Variants in SH3PXD2B observed in about 807,000 individuals in gnomAD.
SH3PXD2B encodes SH3 and PX domains 2B.
Under a neutral mutation model 73.1 loss-of-function variants are expected in SH3PXD2B, and 37 were observed. The observed-to-expected ratio is 0.51, with a 90% CI of 0.39 to 0.67. The LOEUF (loss-of-function observed/expected upper bound fraction) is 0.67, where lower values mean the gene tolerates loss of function less well. Among genes scored for constraint, SH3PXD2B ranks in the 30% least tolerant of loss-of-function variants. The pLI, the probability that SH3PXD2B is intolerant of heterozygous loss-of-function variation, is 0.00. For missense variants in SH3PXD2B, 1,053 were observed against 1,197.8 expected, an observed-to-expected ratio of 0.88 and a Z score of 1.78; for synonymous variants, 457 against 480.5, an observed-to-expected ratio of 0.95 and a Z score of 0.64.
intron 5 of SH3PXD2B, among the ~76,000 whole-genome samples, chr5:172,379,239 TA>T (rs1220883824): frequency 6.9e-6 from 1 of 144,934 alleles, no homozygotes; most frequent in Non-Finnish European, 1.5e-5. Context: ...GACACAAAGG[TA>T]AGAGGATCGC....
At chr5:172,438,176 C>T (rs1759437545) in intron 1 of SH3PXD2B, among the ~76,000 whole-genome samples, 1 of 152,282 alleles carries the variant, frequency 6.6e-6, no homozygotes, top group South Asian at 2.1e-4. Context: ...CCTCTCCCTG[C>T]CCTGCTCAGC....
intron 8 of SH3PXD2B, among the ~76,000 whole-genome samples, chr5:172,356,299 C>T (rs1374734514): frequency 6.6e-6 from 1 of 152,158 alleles, no homozygotes; most frequent in African/African-American, 2.4e-5. Flanking sequence ...TTCAAACCCC[C>T]AGATCCAGCT....
At chr5:172,363,183 CATCCATCCATCCATCCTCCATT>C in intron 6 of SH3PXD2B, among the ~76,000 whole-genome samples, 1 of 151,844 alleles carries the variant, frequency 6.6e-6, no homozygotes, top group South Asian at 2.1e-4. Flanking sequence ...TCTGTCCATC[CATCCATCCATCCATCCTCCATT>C]ATCCATCCAT....
At chr5:172,386,224 G>T (rs1325319377) in intron 4 of SH3PXD2B, among the ~76,000 whole-genome samples, 1 of 152,190 alleles carries the variant, frequency 6.6e-6, no homozygotes, top group Non-Finnish European at 1.5e-5. Context: ...GGAGGGCTGT[G>T]CTATAGAATA....
rs1759641430 is a variant in SH3PXD2B at position 172,445,474 on chromosome 5, T to C, written c.75+8804A>G. Among the ~76,000 whole-genome samples the C allele has an allele frequency of 6.6e-6, 1 of 152,140 alleles. No homozygotes were observed. Among genetic ancestry groups the C allele is most frequent in the Admixed American group, 6.5e-5 (1 of 15,274 alleles). ...ATCTTCTCGCCTCAGCCTCCCAAGA[T>C]GCTGGGATTACAGGCGTGAACTCCC... On this transcript the variant is annotated intron_variant, in intron 1 of 12. Transcript: ENST00000311601. The surrounding 1 kb of genome is among the most constrained non-coding windows in gnomAD (Gnocchi z 5.2).
At position 172,334,489 on chromosome 5, in the gene SH3PXD2B, C is replaced by T. The variant is rs1442372110; in HGVS notation, c.*3880G>A. ...GATGTCTGCAGTCTACACAACAGCC[C>T]TGCAGAACGGGCCTGGACAACCCTT... On this transcript the variant is annotated 3_prime_UTR_variant, in exon 13 of 13. Transcript: ENST00000311601. The T allele has an allele frequency of 4.1e-6, 4 of 985,696 alleles. No individual in the cohort carries two copies. The South Asian group carries it at 1.4e-4, about 35-fold the overall frequency. 61.1% of individuals were successfully genotyped at this position (985,696 alleles called of 1,614,324 possible).
chr5:172,352,713 G>A (rs1426273870), intron 9 of SH3PXD2B, among the ~76,000 whole-genome samples: 11 of 152,068 alleles, frequency 7.2e-5, no homozygotes, highest in Admixed American at 7.2e-4. Context: ...ATTTATCAGG[G>A]GTTTCCACTT....
At position 172,405,823 on chromosome 5, in the gene SH3PXD2B, G is replaced by C. The variant is rs1259779787; in HGVS notation, c.232+454C>G. On this transcript the variant is annotated intron_variant, in intron 3 of 12. Transcript: ENST00000311601. ...GTAAGAATAGAAAACGAATACCATA[G>C]TTATAGAAACAGAAAGCACTCACTA... Among the ~76,000 whole-genome samples, 6 of 152,300 alleles carry C rather than the reference G, an allele frequency of 3.9e-5. No homozygotes were observed. The South Asian group carries it at 1.0e-3, about 26-fold the overall frequency.
At chr5:172,426,562 TG>T (rs1376831091) in intron 1 of SH3PXD2B, among the ~76,000 whole-genome samples, 1 of 152,202 alleles carries the variant, frequency 6.6e-6, no homozygotes, top group Non-Finnish European at 1.5e-5. Flanking sequence ...AACAGAATCC[TG>T]ACTTCCCACG....
intron 12 of SH3PXD2B, among the ~76,000 whole-genome samples, chr5:172,342,318 T>G (rs912763800): frequency 3.3e-5 from 5 of 152,058 alleles, no homozygotes; most frequent in Non-Finnish European, 7.4e-5. Flanking sequence ...ACCCTGTGAG[T>G]GGGGAACTGT....
intron 2 of SH3PXD2B, among the ~76,000 whole-genome samples, chr5:172,419,002 T>TGAC (rs1350707618): frequency 2.6e-5 from 4 of 152,192 alleles, no homozygotes; most frequent in African/African-American, 9.7e-5. Flanking sequence ...GAGGGACGGC[T>TGAC]GACAGCTAAC....
chr5:172,430,371 C>A (rs2113480513), intron 1 of SH3PXD2B, among the ~76,000 whole-genome samples: 1 of 152,328 alleles, frequency 6.6e-6, no homozygotes, highest in Non-Finnish European at 1.5e-5. Flanking sequence ...AGGGGGATGG[C>A]CCCCATAGTC....
intron 1 of SH3PXD2B, among the ~76,000 whole-genome samples, chr5:172,441,559 C>T (rs999428182): frequency 2.0e-5 from 3 of 152,178 alleles, no homozygotes; most frequent in African/African-American, 4.8e-5. Flanking sequence ...ACACCCTAGA[C>T]GATGATGAAC....
chr5:172,327,876 G>T (rs2879467), intron 12 of SH3PXD2B, among the ~76,000 whole-genome samples: 94,441 of 150,788 alleles, frequency 0.63, 29,758 homozygotes, highest in South Asian at 0.84. Context: ...TGCCTCAGCC[G>T]CCCGAGTAGC....
chr5:172,334,678 A>G lies in SH3PXD2B; in HGVS notation c.*3691T>C. ...ACGAATGTTTTTGTTCTTGATGTCA[A>G]GTTGCCAGCTACTGGAAGGCAGGAG... On this transcript the variant is annotated 3_prime_UTR_variant, in exon 13 of 13. Coordinates refer to ENST00000311601, the MANE Select transcript of SH3PXD2B (RefSeq NM_001017995.3). 3.0e-6 allele frequency: 3 copies of G among 985,536 alleles called. No individual in the cohort carries two copies. The highest frequency in any genetic ancestry group is 3.6e-6 in the Non-Finnish European group (3 of 830,008). 61.0% of individuals were successfully genotyped at this position (985,536 alleles called of 1,614,324 possible).
rs542020001 is a variant in SH3PXD2B, at chr5:172,412,222, G to A, written c.157-5870C>T. On this transcript the variant is annotated intron_variant, in intron 2 of 12. Coordinates refer to ENST00000311601, the MANE Select transcript of SH3PXD2B (RefSeq NM_001017995.3). ...GGCAAAAAACCCCTCAGGACTGCCC[G>A]GGTGGCCCCGTGGCTGTAGCAGGGC... 1.4e-4 allele frequency among the ~76,000 whole-genome samples: 22 copies of A among 152,276 alleles called. No individual in the cohort carries two copies. The South Asian group carries it at 2.5e-3, about 17-fold the overall frequency.
At chr5:172,387,443 T>C (rs1007472409) in intron 4 of SH3PXD2B, among the ~76,000 whole-genome samples, 1 of 152,208 alleles carries the variant, frequency 6.6e-6, no homozygotes, top group African/African-American at 2.4e-5. Flanking sequence ...TTCCTAGAAA[T>C]ATTCTCAGAC....
chr5:172,340,918 C>T lies in SH3PXD2B; in HGVS notation c.1189-1002G>A, dbSNP rs185402617. On this transcript the variant is annotated intron_variant, in intron 12 of 12. Transcript: ENST00000311601. ...CCTGAAAAATATCTATCTTTGAACA[C>T]AGGAATCACAGTCAGCTCAAAGAGA... is the stretch of plus-strand genomic sequence containing the variant. Among the ~76,000 whole-genome samples, 364 of 152,236 alleles carry T rather than the reference C, an allele frequency of 2.4e-3. 2 individuals are homozygous for T. Among genetic ancestry groups the T allele is most frequent in the Non-Finnish European group, 4.4e-3 (298 of 68,014 alleles).
intron 5 of SH3PXD2B, among the ~76,000 whole-genome samples, chr5:172,378,384 C>T (rs1757866576): frequency 6.6e-6 from 1 of 152,226 alleles, no homozygotes; most frequent in Non-Finnish European, 1.5e-5. Context: ...AAATAAGGAC[C>T]TCCTGAAACT....
Sources: allele counts gnomAD v4.1 joint callset (sites outside exome capture counted in the v4.1 genomes callset), GRCh38; gene constraint gnomAD v4.1.1; non-coding constraint Gnocchi (gnomAD v3.1); transcripts MANE v1.5; gene names NCBI Gene and HGNC (gene_info 2026-07-23, HGNC 2026-07-21).